CACNB2: variants seen among roughly 807,000 people sequenced by gnomAD.
CACNB2 encodes the protein calcium voltage-gated channel auxiliary subunit beta 2.
CACNB2 carries 42 observed loss-of-function variants against 73.3 expected under a neutral mutation model. The observed-to-expected ratio is 0.57, with a 90% CI of 0.45 to 0.74. The LOEUF (loss-of-function observed/expected upper bound fraction) is 0.74. Ranked by LOEUF, CACNB2 falls within the 30% of genes least tolerant of loss-of-function variation. CACNB2 has a pLI of 0.00. For missense variants in CACNB2, 940 were observed against 853.0 expected, an observed-to-expected ratio of 1.10 and a Z score of -1.27; for synonymous variants, 348 against 310.3, an observed-to-expected ratio of 1.12 and a Z score of -1.28.
chr10:18,430,128 T>A (rs879679211), intron 3 of CACNB2, among the ~76,000 whole-genome samples: 2 of 41,974 alleles, frequency 4.8e-5, no homozygotes, highest in Non-Finnish European at 8.9e-5. Context: ...ATCAAGAAGA[T>A]GTTAAAAAAA....
chr10:18,436,089 C>T (rs2046123229), intron 3 of CACNB2, among the ~76,000 whole-genome samples: 2 of 152,202 alleles, frequency 1.3e-5, no homozygotes, highest in African/African-American at 4.8e-5. Context: ...TATTATTCCA[C>T]CTTCTATGAG....
intron 2 of CACNB2, among the ~76,000 whole-genome samples, chr10:18,278,842 C>T (rs1466284052): frequency 1.3e-5 from 2 of 151,858 alleles, no homozygotes; most frequent in African/African-American, 2.4e-5. Flanking sequence ...ATGATGAGAC[C>T]CCTACTCTAC....
At chr10:18,536,253 T>TTTTTTTC in intron 12 of CACNB2, 57 bp downstream of exon 12, 1 of 613,266 alleles carries the variant, frequency 1.6e-6, no homozygotes, top group African/African-American at 3.2e-5. Context: ...CTTTTTTTTT[T>TTTTTTTC]TTTTTTTTTT....
chr10:18,411,295 C>T lies in CACNB2; in HGVS notation c.333+9252C>T, dbSNP rs192629510. Among the ~76,000 whole-genome samples the T allele has an allele frequency of 5.3e-5, 8 of 152,266 alleles. No individual in the cohort carries two copies. The East Asian group carries it at 1.4e-3, about 26-fold the overall frequency. ...AAGAGTGCAGAAGCCCGCTGGACCT[C>T]TGTTAGGCTTCTCTTCCCTGTTGAC... On this transcript the variant is annotated intron_variant, in intron 3 of 13. Coordinates refer to ENST00000324631, the MANE Select transcript of CACNB2 (RefSeq NM_201596.3).
intron 2 of CACNB2, among the ~76,000 whole-genome samples, chr10:18,383,238 A>G (rs551343039): frequency 1.3e-5 from 2 of 152,378 alleles, no homozygotes; most frequent in South Asian, 4.1e-4. Flanking sequence ...CAAAGGCCAC[A>G]TTATACAGGT....
At chr10:18,273,318 G>C (rs905389662) in intron 2 of CACNB2, among the ~76,000 whole-genome samples, 15 of 152,010 alleles carry the variant, frequency 9.9e-5, no homozygotes, top group Admixed American at 8.5e-4. Context: ...AGACAGTGGA[G>C]GACGAAGAGG....
chr10:18,261,606 C>T (rs2037547747), intron 2 of CACNB2, among the ~76,000 whole-genome samples: 1 of 152,154 alleles, frequency 6.6e-6, no homozygotes, highest in Non-Finnish European at 1.5e-5. Context: ...AGAGATCTGC[C>T]TCATTCAAAC....
chr10:18,146,135 G>T (rs1050857202), intron 1 of CACNB2, among the ~76,000 whole-genome samples: 3 of 152,046 alleles, frequency 2.0e-5, no homozygotes, highest in Non-Finnish European at 4.4e-5. Flanking sequence ...CCTAGTAAAG[G>T]ATCTTACCCT....
chr10:18,449,156 G>C (rs565705067), intron 3 of CACNB2, among the ~76,000 whole-genome samples: 24 of 152,246 alleles, frequency 1.6e-4, no homozygotes, highest in African/African-American at 5.5e-4. Flanking sequence ...GGGCTGAGGC[G>C]GGTGGATCAC....
chr10:18,194,254 G>T (rs1267097776), intron 2 of CACNB2, among the ~76,000 whole-genome samples: 1 of 152,136 alleles, frequency 6.6e-6, no homozygotes, highest in Non-Finnish European at 1.5e-5. Flanking sequence ...TGTCTTTGCA[G>T]TTGCAACTGG....
Position 18,171,543 on chromosome 10 carries a change from A to AAAAAAAAAAAAAAG in CACNB2, c.213+20574_213+20575insAAAAAAAGAAAAAA, listed in dbSNP as rs1564314409. ...GCAGAAAAAAAAAAAAAAAAAAAAA[A>AAAAAAAAAAAAAAG]AAAAAAGGCTATTTGTTCTTCTTCA... On this transcript the variant is annotated intron_variant, in intron 2 of 13. Coordinates refer to ENST00000324631, the MANE Select transcript of CACNB2 (RefSeq NM_201596.3). 3.3e-4 allele frequency among the ~76,000 whole-genome samples: 46 copies of AAAAAAAAAAAAAAG among 138,884 alleles called. 1 individual carries two copies. Among genetic ancestry groups the AAAAAAAAAAAAAAG allele is most frequent in the African/African-American group, 1.4e-3 (43 of 30,886 alleles). The allele number at this position is 138,884 out of a possible 152,430, so 91.1% of individuals were successfully genotyped here. A position where few individuals can be genotyped will look rare whatever the true frequency, so the allele number is the denominator to read the frequency against.
At chr10:18,407,829 G>C (rs1368761333) in intron 3 of CACNB2, among the ~76,000 whole-genome samples, 2 of 151,810 alleles carry the variant, frequency 1.3e-5, no homozygotes, top group African/African-American at 2.4e-5. Context: ...ATAGCTTCTT[G>C]TTTTTATTCC....
chr10:18,444,582 C>T (rs1031957332), intron 3 of CACNB2, among the ~76,000 whole-genome samples: 6 of 152,058 alleles, frequency 3.9e-5, no homozygotes, highest in East Asian at 3.8e-4. Flanking sequence ...ACTTGTGCAA[C>T]GTCCCACAGC....
intron 2 of CACNB2, among the ~76,000 whole-genome samples, chr10:18,254,329 T>C (rs908951801): frequency 1.3e-5 from 2 of 152,242 alleles, no homozygotes; most frequent in Non-Finnish European, 2.9e-5. Context: ...AAGTGTAGTC[T>C]ACCTCAATAA....
chr10:18,491,732 A>C (rs1385154414), intron 3 of CACNB2, among the ~76,000 whole-genome samples: 2 of 151,596 alleles, frequency 1.3e-5, no homozygotes, highest in Non-Finnish European at 2.9e-5. Flanking sequence ...GTCAACTTAA[A>C]ACAGGATATA....
At chr10:18,452,226 C>A (rs963224780) in intron 3 of CACNB2, among the ~76,000 whole-genome samples, 3 of 152,062 alleles carry the variant, frequency 2.0e-5, no homozygotes, top group Non-Finnish European at 4.4e-5. Flanking sequence ...TGCTCGAGAC[C>A]AGCTTGGGCA....
chr10:18,241,227 A>G (rs2036637131), intron 2 of CACNB2, among the ~76,000 whole-genome samples: 1 of 152,066 alleles, frequency 6.6e-6, no homozygotes, highest in African/African-American at 2.4e-5. Context: ...TGTCACCAGG[A>G]CCTCCTAAGG....
At chr10:18,215,408 C>G (rs756830633) in intron 2 of CACNB2, among the ~76,000 whole-genome samples, 2 of 152,036 alleles carry the variant, frequency 1.3e-5, no homozygotes, top group Non-Finnish European at 2.9e-5. Context: ...TCAGGGGGCC[C>G]CCTGGAAATG....
chr10:18,395,799 C>T (rs536711698), intron 2 of CACNB2, among the ~76,000 whole-genome samples: 1 of 152,310 alleles, frequency 6.6e-6, no homozygotes, highest in African/African-American at 2.4e-5. Context: ...AGGTCAATCA[C>T]ATTTGAGATT....
Sources: gnomAD v4.1 joint callset for allele counts (sites outside exome capture counted in the v4.1 genomes callset) on GRCh38, gnomAD v4.1.1 for gene constraint, MANE v1.5 for transcripts, NCBI Gene and HGNC (gene_info 2026-07-23, HGNC 2026-07-21) for gene names.